Variants in DRP2 observed in about 807,000 individuals in gnomAD.
The protein encoded by DRP2 is dystrophin related protein 2, also known as dystrophin-related protein 2.
A neutral mutation model predicts 78.2 loss-of-function variants in DRP2; 29 were observed. That is an observed-to-expected ratio of 0.37 (90% CI 0.28 to 0.51). The LOEUF (loss-of-function observed/expected upper bound fraction) is 0.51. Among genes scored for constraint, DRP2 ranks in the 20% least tolerant of loss-of-function variants. The pLI is 0.94. For missense variants in DRP2, 686 were observed against 770.6 expected, an observed-to-expected ratio of 0.89 and a Z score of 1.30; for synonymous variants, 290 against 281.9, an observed-to-expected ratio of 1.03 and a Z score of -0.29.
At position 101,260,732 on chromosome X, in the gene DRP2, C is replaced by G; in HGVS notation, c.*111C>G. On this transcript the variant is annotated 3_prime_UTR_variant, in exon 24 of 24. Coordinates refer to ENST00000395209, the MANE Select transcript of DRP2 (RefSeq NM_001939.3). ...TTTCCACTGGCCCCACATTCCTCAA[C>G]TAGTATTATTTGGGCTCTGGGCAGC... 1 of 1,014,441 alleles carries G rather than the reference C, an allele frequency of 9.9e-7. No homozygotes were observed. Among genetic ancestry groups the G allele is most frequent in the African/African-American group, 1.9e-5 (1 of 52,674 alleles). 83.6% of individuals were successfully genotyped at this position (1,014,441 alleles called of 1,213,427 possible).
At chrX:101,245,128 C>T (rs773543899) in intron 10 of DRP2, 51 bp downstream of exon 10, 3 of 1,117,895 alleles carry the variant, frequency 2.7e-6, no homozygotes, top group Non-Finnish European at 3.7e-6. Context: ...CCACCCCCTC[C>T]CTCTCCTGCC....
rs182707420 is a variant in DRP2, at chrX:101,239,869, G to A, written c.559+768G>A. 9.9e-3 allele frequency among the ~76,000 whole-genome samples: 1,105 copies of A among 111,097 alleles called. 22 individuals are homozygous for A. The highest frequency in any genetic ancestry group is 0.034 in the African/African-American group (1,034 of 30,518). ...TGGGATTACAGGCGTGAGCCACCACGCCTGGCCCAAAATTTTTTTTTAAAT... is the reference window on the plus strand; with the variant it reads ...TGGGATTACAGGCGTGAGCCACCACACCTGGCCCAAAATTTTTTTTTAAAT... On this transcript the variant is annotated intron_variant, in intron 6 of 23. Coordinates refer to ENST00000395209, the MANE Select transcript of DRP2 (RefSeq NM_001939.3).
intron 5 of DRP2, among the ~76,000 whole-genome samples, chrX:101,238,555 TTC>T (rs1435028748): frequency 2.7e-5 from 3 of 111,524 alleles, no homozygotes; most frequent in Non-Finnish European, 3.8e-5. Flanking sequence ...GCTGATAGAG[TTC>T]TGTTTCTTGA....
intron 3 of DRP2, among the ~76,000 whole-genome samples, chrX:101,232,889 C>T (rs886604849): frequency 3.3e-4 from 37 of 112,159 alleles, no homozygotes; most frequent in Non-Finnish European, 3.6e-4. Context: ...CTGAGGGCTT[C>T]ATTTTGTGAT....
At chrX:101,235,782 C>A in intron 3 of DRP2, 78 bp from the exon 4 acceptor site, 1 of 1,048,458 alleles carries the variant, frequency 9.5e-7, no homozygotes. Context: ...CTTGTTCACA[C>A]TTGTCTCACC....
intron 11 of DRP2, among the ~76,000 whole-genome samples, chrX:101,245,909 G>C (rs1478397020): frequency 8.9e-6 from 1 of 111,927 alleles, no homozygotes; most frequent in Non-Finnish European, 1.9e-5. Flanking sequence ...TAGATCTTAT[G>C]TTAAGTGTTC....
chrX:101,224,191 GTTTTTTTTT>G (rs1167730116), intron 1 of DRP2, among the ~76,000 whole-genome samples: 4 of 38,868 alleles, frequency 1.0e-4, no homozygotes, highest in African/African-American at 2.5e-4. Context: ...GGTTTTTTTT[GTTTTTTTTT>G]TTTTTTTTTT....
intron 1 of DRP2, 68 bp from the exon 2 acceptor site, chrX:101,224,536 C>G (rs1437347429): frequency 8.9e-6 from 1 of 111,896 alleles, no homozygotes; most frequent in Non-Finnish European, 1.9e-5. Flanking sequence ...TTTTCTTTGG[C>G]CTAAAATATA....
At chrX:101,257,380 G>A (rs1281831546) in intron 21 of DRP2, among the ~76,000 whole-genome samples, 1 of 98,284 alleles carries the variant, frequency 1.0e-5, no homozygotes, top group Non-Finnish European at 2.0e-5. Context: ...AGTTTGGAGA[G>A]CAGACCAGGG....
rs758763706 is a variant in DRP2, at chrX:101,236,006, G to T, written c.264G>T (p.Lys88Asn). The T allele has an allele frequency of 1.5e-5, 18 of 1,211,778 alleles. No homozygotes were observed. Among genetic ancestry groups the T allele is most frequent in the Non-Finnish European group, 2.0e-5 (18 of 895,518 alleles). Residue 88 changes from lysine to asparagine, a missense_variant, in exon 4 of 24, where the codon AAG (lysine) becomes AAT (asparagine). By Grantham distance (94) the Lys-to-Asn change is moderately conservative. Around this residue, in one of 2 missense-constraint regions of DRP2, gnomAD observed 263 missense variants for 239.1 expected, o/e 1.10. Transcript: ENST00000395209. ...AMNLCWNEIK[K>N]KSHNLRARLE... Reference sequence around the variant, plus strand: ...ATCTGTGTTGGAATGAAATAAAAAAGAAGTCTCACAACCTCCGGTAAGAAA... The same window carrying T: ...ATCTGTGTTGGAATGAAATAAAAAATAAGTCTCACAACCTCCGGTAAGAAA...
chrX:101,248,041 T>C, intron 12 of DRP2, 48 bp from the exon 13 acceptor site: 1 of 1,132,697 alleles, frequency 8.8e-7, no homozygotes, highest in Non-Finnish European at 1.2e-6. Flanking sequence ...ATCCCTGGGG[T>C]TCTACTTTTG....
At chrX:101,244,017 G>A (rs183866464) in intron 9 of DRP2, among the ~76,000 whole-genome samples, 2 of 111,886 alleles carry the variant, frequency 1.8e-5, no homozygotes, top group Non-Finnish European at 3.8e-5. Context: ...CAAAGTGTGG[G>A]GGAGTAGGGG....
At chrX:101,258,624 A>G in intron 22 of DRP2, 78 bp downstream of exon 22, 1 of 885,875 alleles carries the variant, frequency 1.1e-6, no homozygotes, top group South Asian at 2.4e-5. Flanking sequence ...GGCTGTGGCA[A>G]AGAAGACACA....
At chrX:101,246,141 G>C (rs1334681775) in intron 11 of DRP2, among the ~76,000 whole-genome samples, 2 of 112,185 alleles carry the variant, frequency 1.8e-5, no homozygotes, top group South Asian at 3.8e-4. Context: ...AGGTGGGAGA[G>C]GGAATGAGTG....
At chrX:101,253,540 C>CTTTTTTTTTTTTTTTTTT (rs138161868) in intron 17 of DRP2, among the ~76,000 whole-genome samples, 1 of 53,562 alleles carries the variant, frequency 1.9e-5, no homozygotes, top group Non-Finnish European at 3.0e-5. Flanking sequence ...TTACTTTCAC[C>CTTTTTTTTTTTTTTTTTT]TTTTTTTTTT....
At chrX:101,238,684 C>T (rs948130148) in intron 5 of DRP2, among the ~76,000 whole-genome samples, 1 of 111,235 alleles carries the variant, frequency 9.0e-6, no homozygotes, top group Non-Finnish European at 1.9e-5. Context: ...TTTTGATTTC[C>T]ATAAGACCCT....
intron 6 of DRP2, among the ~76,000 whole-genome samples, 187 bp downstream of exon 6, chrX:101,239,288 A>G (rs1255745093): frequency 8.9e-6 from 1 of 111,788 alleles, no homozygotes; most frequent in East Asian, 2.8e-4. Flanking sequence ...CAAAGAGAAT[A>G]TAGCCTGGAG....
chrX:101,243,664 C>T (rs1429798981), intron 9 of DRP2, among the ~76,000 whole-genome samples: 1 of 111,905 alleles, frequency 8.9e-6, no homozygotes, highest in East Asian at 2.8e-4. Context: ...CATCAGTAAA[C>T]AAAACACACA....
rs2147332623 is a variant in DRP2, at chrX:101,231,732, AG to A, written c.86del (p.Ser29ThrfsTer31). On this transcript the variant is annotated frameshift_variant, in exon 3 of 24. Transcript: ENST00000395209. LOFTEE classifies it high-confidence loss of function. ...GGCAGCTGACCAGTTCCATCATAGC[AG>A]CAGCCTCCGAAGCACCTGCCCCCAC... The part of the protein sequence containing the change: ...WQAADQFHHS[S>X]SLRSTCPHPQ... 3.3e-6 allele frequency: 4 copies of A among 1,210,971 alleles called. No homozygotes were observed. Among genetic ancestry groups the A allele is most frequent in the Non-Finnish European group, 4.5e-6 (4 of 895,163 alleles).
Sources: gnomAD v4.1 joint callset for allele counts (sites outside exome capture counted in the v4.1 genomes callset) on GRCh38, gnomAD v4.1.1 for gene constraint, gnomAD v4.1.1 regional missense constraint, MANE v1.5 for transcripts, NCBI Gene and HGNC (gene_info 2026-07-23, HGNC 2026-07-21) for gene names.